The following DNAH5 variants were observed in gnomAD, a reference collection of about 807,000 sequenced individuals.
The protein encoded by DNAH5 is dynein axonemal heavy chain 5.
Under a neutral mutation model 518.2 loss-of-function variants are expected in DNAH5, and 372 were observed. The observed-to-expected ratio is 0.72, with a 90% CI of 0.66 to 0.78. The LOEUF is 0.78. Ranked by LOEUF, DNAH5 falls within the 30% of genes least tolerant of loss-of-function variation. The pLI is 0.00. For synonymous variants in DNAH5, 2,039 were observed against 2,025.9 expected (o/e 1.01, Z -0.17); for missense variants, 5,523 against 5,687.0 (o/e 0.97, Z 0.93).
intron 1 of DNAH5, among the ~76,000 whole-genome samples, chr5:14,009,305 C>A (rs413546): frequency 1.8e-4 from 28 of 152,086 alleles, no homozygotes; most frequent in African/African-American, 6.5e-4. Flanking sequence ...CCAATTCCTC[C>A]AAATAGCCAT....
At chr5:13,756,729 G>C (rs1751041762) in intron 61 of DNAH5, among the ~76,000 whole-genome samples, 1 of 152,080 alleles carries the variant, frequency 6.6e-6, no homozygotes, top group African/African-American at 2.4e-5. Flanking sequence ...TTCAGTTCAG[G>C]GGTATGTGTA....
In DNAH5 at chr5:13,728,962, ACCCAGGTGC is replaced by A. The variant is rs377479972; in HGVS notation, c.11883+468_11883+476del. On this transcript the variant is annotated intron_variant, in intron 69 of 78. Coordinates refer to ENST00000265104, the MANE Select transcript of DNAH5 (RefSeq NM_001369.3). ...GGCCAAGTGTTTACAGGAGATTCAT[ACCCAGGTGC>A]CTAACTAAGTCAAATAATGGGAAGG... 1.2e-4 allele frequency among the ~76,000 whole-genome samples: 19 copies of A among 152,278 alleles called. No homozygotes were observed. In the East Asian group the frequency reaches 3.7e-3, roughly 29 times the overall value.
At position 13,752,115 on chromosome 5, in the gene DNAH5, A is replaced by T; in HGVS notation, c.11028+19T>A. ...CATGGTAATTGTTCTGCACATTGTC[A>T]TCCATAGGTTTAACCTACCTTAAAG... On this transcript the variant is annotated intron_variant, in intron 64 of 78. Coordinates refer to ENST00000265104, the MANE Select transcript of DNAH5 (RefSeq NM_001369.3). The T allele has an allele frequency of 1.9e-6, 3 of 1,613,380 alleles. No homozygotes were observed. The highest frequency in any genetic ancestry group is 1.7e-6 in the Non-Finnish European group (2 of 1,179,394).
At chr5:13,722,378 A>T (rs553219188) in intron 70 of DNAH5, among the ~76,000 whole-genome samples, 139 of 152,336 alleles carry the variant, frequency 9.1e-4, no homozygotes, top group Non-Finnish European at 1.7e-3. Flanking sequence ...TACCCCAAGC[A>T]TCTGAGCTTA....
At chr5:13,770,279 T>C (rs1753154888) in intron 56 of DNAH5, among the ~76,000 whole-genome samples, 1 of 152,116 alleles carries the variant, frequency 6.6e-6, no homozygotes, top group Admixed American at 6.5e-5. Flanking sequence ...AGTGAACATA[T>C]GCATCAACCT....
Position 13,917,232 on chromosome 5 carries a change from T to G in DNAH5, c.1000A>C (p.Ile334Leu). Residue 334 changes from isoleucine to leucine, a missense_variant, in exon 8 of 79, where the codon ATC (isoleucine) becomes CTC (leucine). Ile to Leu is a conservative substitution (Grantham distance 5). Around this residue, in one of 3 missense-constraint regions of DNAH5, gnomAD observed 5,121 missense variants for 5,223.3 expected, o/e 0.98. Transcript: ENST00000265104. ...LKTWREMDIR[I>L]TDATNEAKDN... The stretch of plus-strand genomic sequence containing the variant: ...TTTGCTTCATTAGTTGCATCAGTGA[T>G]TCGAATATCCATCTCCCGCCAAGTC... The G allele has an allele frequency of 6.2e-7, 1 of 1,613,960 alleles. No homozygotes were observed. The highest frequency in any genetic ancestry group is 8.5e-7 in the Non-Finnish European group (1 of 1,179,938).
At chr5:13,789,420 T>C (rs1461626315) in intron 50 of DNAH5, among the ~76,000 whole-genome samples, 2 of 152,226 alleles carry the variant, frequency 1.3e-5, no homozygotes, top group Admixed American at 1.3e-4. Context: ...GGTCCAAGGT[T>C]AACTGAAAGT....
intron 35 of DNAH5, among the ~76,000 whole-genome samples, chr5:13,834,198 A>G (rs1276112927): frequency 6.6e-6 from 1 of 151,556 alleles, no homozygotes; most frequent in Non-Finnish European, 1.5e-5. Flanking sequence ...CATACTTGAA[A>G]ATACTTATTT....
At chr5:13,840,373 C>G (rs1765003237) in intron 34 of DNAH5, among the ~76,000 whole-genome samples, 2 of 152,148 alleles carry the variant, frequency 1.3e-5, no homozygotes, top group African/African-American at 4.8e-5. Context: ...CTACACAACT[C>G]TCTTTTCCCA....
In DNAH5 at chr5:13,916,319, T is replaced by C. The variant is rs78594685; in HGVS notation, c.1197+29A>G. On this transcript the variant is annotated intron_variant, in intron 9 of 78. Coordinates refer to ENST00000265104, the MANE Select transcript of DNAH5 (RefSeq NM_001369.3). The stretch of plus-strand genomic sequence containing the variant: ...TTGATCACTGGCAAAGAAATACAAA[T>C]GAACATGGACTCTACATCATGCACT... 8,393 of 1,229,788 alleles carry C rather than the reference T, an allele frequency of 6.8e-3. 382 individuals are homozygous for C. The African/African-American group carries it at 0.1, about 15-fold the overall frequency. 76.2% of individuals were successfully genotyped at this position (1,229,788 alleles called of 1,614,324 possible).
chr5:13,812,956 T>C lies in DNAH5; in HGVS notation c.7231-1133A>G, dbSNP rs530867185. Reference sequence around the variant, plus strand: ...CCATGATTCTACCTCGACAAAAACATAACATAGCACTTTTGAGTTGATGGA... The same window carrying C: ...CCATGATTCTACCTCGACAAAAACACAACATAGCACTTTTGAGTTGATGGA... On this transcript the variant is annotated intron_variant, in intron 43 of 78. Transcript: ENST00000265104. 3.9e-5 allele frequency among the ~76,000 whole-genome samples: 6 copies of C among 152,302 alleles called. No individual in the cohort carries two copies. The East Asian group carries it at 1.2e-3, about 29-fold the overall frequency.
chr5:13,888,023 T>C (rs528633789), intron 17 of DNAH5, among the ~76,000 whole-genome samples: 4 of 152,134 alleles, frequency 2.6e-5, no homozygotes, highest in Non-Finnish European at 4.4e-5. Context: ...CTCGTCATAC[T>C]CAAAGAATGA....
intron 77 of DNAH5, 126 bp downstream of exon 77, chr5:13,701,158 T>C: frequency 2.3e-6 from 3 of 1,297,510 alleles, no homozygotes; most frequent in Middle Eastern, 1.9e-4. Flanking sequence ...TACATGACAA[T>C]GTAACTGCTA....
chr5:13,799,854 G>A (rs1758461941), intron 47 of DNAH5, among the ~76,000 whole-genome samples: 1 of 152,002 alleles, frequency 6.6e-6, no homozygotes, highest in South Asian at 2.1e-4. Flanking sequence ...TATATAACCA[G>A]GAAGTAGTTA....
Position 13,793,975 on chromosome 5 carries a change from A to G in DNAH5, c.7971T>C (p.Asp2657=), listed in dbSNP as rs1757438475. The G allele has an allele frequency of 6.8e-6, 11 of 1,614,126 alleles. No individual in the cohort carries two copies. The highest frequency in any genetic ancestry group is 9.3e-6 in the Non-Finnish European group (11 of 1,179,976). ...CATTGATTATTGGCATATTCACATC[A>G]TCAATAAAAACAGTCATCTTCTTTC... ...PAGKKMTVFI[D]DVNMPIINEW... The change falls in exon 48 of 79, where the codon GAT becomes GAC. Residue 2657 remains aspartate, a synonymous_variant. Coordinates refer to ENST00000265104, the MANE Select transcript of DNAH5 (RefSeq NM_001369.3).
chr5:13,775,695 T>C (rs1013454917), intron 55 of DNAH5, among the ~76,000 whole-genome samples: 21 of 152,106 alleles, frequency 1.4e-4, no homozygotes, highest in African/African-American at 3.9e-4. Context: ...CACAGAGCTG[T>C]AGAGGCAATG....
intron 65 of DNAH5, among the ~76,000 whole-genome samples, chr5:13,743,684 T>G (rs1399555224): frequency 6.6e-6 from 1 of 151,726 alleles, no homozygotes; most frequent in African/African-American, 2.4e-5. Context: ...GACATAAAAA[T>G]GGCCAAGAAA....
chr5:13,779,067 G>A (rs1170629137), intron 53 of DNAH5, among the ~76,000 whole-genome samples: 2 of 152,168 alleles, frequency 1.3e-5, no homozygotes, highest in African/African-American at 4.8e-5. Context: ...GCTGCAAGAT[G>A]GGCTACTGCT....
intron 12 of DNAH5, among the ~76,000 whole-genome samples, chr5:13,908,002 CA>C (rs1275801823): frequency 1.3e-5 from 2 of 152,018 alleles, no homozygotes; most frequent in Non-Finnish European, 2.9e-5. Context: ...GTAAGAAAAC[CA>C]GTTGGCAATA....
Sources: gnomAD v4.1 joint callset for allele counts (sites outside exome capture counted in the v4.1 genomes callset) on GRCh38, gnomAD v4.1.1 for gene constraint, gnomAD v4.1.1 regional missense constraint, MANE v1.5 for transcripts, NCBI Gene and HGNC (gene_info 2026-07-23, HGNC 2026-07-21) for gene names.